ZFP91: variants seen among roughly 807,000 people sequenced by gnomAD.
ZFP91 encodes E3 ubiquitin-protein ligase ZFP91.
Under a neutral mutation model 63.5 loss-of-function variants are expected in ZFP91, and 7 were observed. The observed-to-expected ratio is 0.11, with a 90% confidence interval of 0.06 to 0.21. The LOEUF is 0.21. Ranked by LOEUF, ZFP91 falls within the 10% of genes least tolerant of loss-of-function variation. The pLI is 1.00. For missense variants in ZFP91, 628 were observed against 736.6 expected, an observed-to-expected ratio of 0.85 and a Z score of 1.71; for synonymous variants, 330 against 272.1, an observed-to-expected ratio of 1.21 and a Z score of -2.10.
intron 2 of ZFP91, among the ~76,000 whole-genome samples, chr11:58,585,447 C>T (rs1375124925): frequency 6.6e-6 from 1 of 152,096 alleles, no homozygotes; most frequent in Non-Finnish European, 1.5e-5. Context: ...ATTAAAATTG[C>T]CCTAACGTGT....
chr11:58,585,045 A>AGC (rs1855182230), intron 2 of ZFP91, among the ~76,000 whole-genome samples, 161 bp downstream of exon 2: 1 of 152,178 alleles, frequency 6.6e-6, no homozygotes, highest in Admixed American at 6.5e-5. Context: ...ACGTTTGGAT[A>AGC]ATAGAGTATA....
chr11:58,614,395 T>C, intron 9 of ZFP91, 52 bp downstream of exon 9: 1 of 1,302,710 alleles, frequency 7.7e-7, no homozygotes, highest in Non-Finnish European at 1.1e-6. Context: ...GCTTTAGTTT[T>C]GCATGTTGGT....
rs1855036933 is a variant in ZFP91, at chr11:58,579,286, C to T, written c.5C>T (p.Pro2Leu). Reference sequence around the variant, plus strand: ...GTGGGGGACGGACAAGCCCCGATGCCGGGGGAGACGGAAGAGCCGAGACCC... The same window carrying T: ...GTGGGGGACGGACAAGCCCCGATGCTGGGGGAGACGGAAGAGCCGAGACCC... M[P>L]GETEEPRPPE... Residue 2 changes from proline to leucine, a missense_variant, in exon 1 of 11, where the codon CCG (proline) becomes CTG (leucine). Pro to Leu is a moderately conservative substitution (Grantham distance 98). This residue lies in a region of ZFP91 where 437 missense variants were observed against 380.3 expected (regional missense o/e 1.15). Transcript: ENST00000316059. 1 of 1,449,738 alleles carries T rather than the reference C, an allele frequency of 6.9e-7. No homozygotes were observed. The highest frequency in any genetic ancestry group is 9.0e-7 in the Non-Finnish European group (1 of 1,109,086). 89.8% of individuals were successfully genotyped at this position (1,449,738 alleles called of 1,614,324 possible).
At position 58,579,494 on chromosome 11, in the gene ZFP91, G is replaced by T; in HGVS notation, c.213G>T (p.Arg71=). 2.0e-6 allele frequency: 3 copies of T among 1,524,878 alleles called. No homozygotes were observed. The highest frequency in any genetic ancestry group is 4.2e-4 in the Middle Eastern group (2 of 4,818). 94.5% of individuals were successfully genotyped at this position (1,524,878 alleles called of 1,614,324 possible). The change falls in exon 1 of 11, where the codon CGG becomes CGT. Residue 71 remains arginine (R), a synonymous_variant. Transcript: ENST00000316059. ...CCGCCGCCGCAGCTGTGTCCCGCCG[G>T]AGGAAGGCCGAGTATCCCCGCCGGC... ...AAAAAAAVSR[R]RKAEYPRRRR... is the part of the protein sequence containing the mutation.
intron 2 of ZFP91, among the ~76,000 whole-genome samples, chr11:58,590,972 T>C (rs566484295): frequency 6.6e-6 from 1 of 152,192 alleles, no homozygotes; most frequent in South Asian, 2.1e-4. Context: ...GTACCATACG[T>C]ATACAGAAAT....
chr11:58,602,436 T>C (rs908691777), intron 2 of ZFP91, among the ~76,000 whole-genome samples: 2 of 151,602 alleles, frequency 1.3e-5, no homozygotes, highest in African/African-American at 2.4e-5. Flanking sequence ...TATGTTGATA[T>C]ATCTCGAGAG....
chr11:58,608,859 A>T (rs577055793), intron 2 of ZFP91, among the ~76,000 whole-genome samples: 1 of 152,128 alleles, frequency 6.6e-6, no homozygotes, highest in African/African-American at 2.4e-5. Context: ...CGCCTTGGCC[A>T]CTCAAAGTGC....
chr11:58,589,435 A>AAAC (rs902719162), intron 2 of ZFP91, among the ~76,000 whole-genome samples: 3 of 152,170 alleles, frequency 2.0e-5, no homozygotes, highest in South Asian at 2.1e-4. Context: ...TGTAAGTTAA[A>AAAC]AACAACAACA....
At position 58,584,864 on chromosome 11, in the gene ZFP91, A is replaced by G; in HGVS notation, c.350A>G (p.Glu117Gly). ...GKKSPRLLCI[E>G]KVTTDKDPKE... is the part of the protein sequence containing the mutation. Reference sequence around the variant, plus strand: ...ATTCTTATTTCTTTCAGATGCATAGAAAAAGTAACAACTGATAAAGGTAAG... The same window carrying G: ...ATTCTTATTTCTTTCAGATGCATAGGAAAAGTAACAACTGATAAAGGTAAG... Residue 117 changes from glutamate (E) to glycine (G), a missense_variant, in exon 2 of 11, where the codon GAA becomes GGA. Glu to Gly is a moderately conservative substitution (Grantham distance 98). This residue lies in a region of ZFP91 where 437 missense variants were observed against 380.3 expected (regional missense o/e 1.15). Coordinates refer to ENST00000316059, the MANE Select transcript of ZFP91 (RefSeq NM_053023.5). 6.5e-7 allele frequency: 1 copy of G among 1,529,916 alleles called. No individual in the cohort carries two copies. The highest frequency in any genetic ancestry group is 8.7e-7 in the Non-Finnish European group (1 of 1,148,028). The allele number at this position is 1,529,916 out of a possible 1,614,324, so 94.8% of individuals were successfully genotyped here.
intron 2 of ZFP91, among the ~76,000 whole-genome samples, chr11:58,598,749 CGTGTGTGTGTGTGTGTGTGTGTGT>C (rs56110499): frequency 8.3e-6 from 1 of 120,812 alleles, no homozygotes. Flanking sequence ...CTTTTGTGCA[CGTGTGTGTGTGTGTGTGTGTGTGT>C]GTGTGTGTGT....
chr11:58,608,514 A>T (rs1855604933), intron 2 of ZFP91, among the ~76,000 whole-genome samples: 1 of 152,182 alleles, frequency 6.6e-6, no homozygotes, highest in Non-Finnish European at 1.5e-5. Context: ...AAATATGATC[A>T]TCCCCAATAT....
intron 1 of ZFP91, among the ~76,000 whole-genome samples, chr11:58,582,066 G>T (rs1855126707): frequency 6.6e-6 from 1 of 152,166 alleles, no homozygotes; most frequent in African/African-American, 2.4e-5. Flanking sequence ...TCAGAGGAAT[G>T]CTAAAGCATT....
At chr11:58,589,993 G>C (rs1025490292) in intron 2 of ZFP91, among the ~76,000 whole-genome samples, 1 of 152,154 alleles carries the variant, frequency 6.6e-6, no homozygotes, top group Non-Finnish European at 1.5e-5. Context: ...CTTCGACACA[G>C]TTATAAGTTT....
Position 58,617,183 on chromosome 11 carries a change from C to G in ZFP91, c.1203-13C>G. 6.4e-7 allele frequency: 1 copy of G among 1,552,814 alleles called. No individual in the cohort carries two copies. Among genetic ancestry groups the G allele is most frequent in the East Asian group, 2.2e-5 (1 of 44,488 alleles). Reference sequence around the variant, plus strand: ...TCTGTTGGATCAGCCATTTCCTTTTCTCCTCTCCTTAGATGTGAGATCTGT... The same window carrying G: ...TCTGTTGGATCAGCCATTTCCTTTTGTCCTCTCCTTAGATGTGAGATCTGT... On this transcript the variant is annotated splice_polypyrimidine_tract_variant and intron_variant, in intron 10 of 10. Coordinates refer to ENST00000316059, the MANE Select transcript of ZFP91 (RefSeq NM_053023.5). This position sits in a 1 kb window ranked among gnomAD's most constrained non-coding sequence, Gnocchi z 4.2.
At chr11:58,591,057 GGGT>G (rs1855296593) in intron 2 of ZFP91, among the ~76,000 whole-genome samples, 1 of 152,076 alleles carries the variant, frequency 6.6e-6, no homozygotes, top group African/African-American at 2.4e-5. Context: ...GGTGGACCCA[GGGT>G]GAGCCCAATC....
chr11:58,604,521 A>G (rs780114038), intron 2 of ZFP91, among the ~76,000 whole-genome samples: 2 of 152,206 alleles, frequency 1.3e-5, no homozygotes, highest in Non-Finnish European at 2.9e-5. Context: ...TGTGATTGGT[A>G]GAGCAGCCCT....
intron 2 of ZFP91, among the ~76,000 whole-genome samples, chr11:58,594,367 G>T (rs1032882537): frequency 1.3e-5 from 2 of 152,144 alleles, no homozygotes; most frequent in Admixed American, 1.3e-4. Context: ...TAAATGTTGA[G>T]CTAATTCTTA....
In ZFP91 at chr11:58,618,413, A is replaced by G. The variant is rs1855788592; in HGVS notation, c.*707A>G. ...ACTTGCTTGGAAGCAGGCTCCCAAT[A>G]GGGAGGGGGCTGCCCTCTACAGTCT... On this transcript the variant is annotated 3_prime_UTR_variant, in exon 11 of 11. Transcript: ENST00000316059. The G allele has an allele frequency of 3.6e-6, 1 of 276,926 alleles. No homozygotes were observed. Among genetic ancestry groups the G allele is most frequent in the African/African-American group, 2.3e-5 (1 of 43,862 alleles). The allele number at this position is 276,926 out of a possible 1,614,324, so 17.2% of individuals were successfully genotyped here.
At chr11:58,589,131 G>T (rs902668179) in intron 2 of ZFP91, among the ~76,000 whole-genome samples, 2 of 152,128 alleles carry the variant, frequency 1.3e-5, no homozygotes, top group African/African-American at 4.8e-5. Flanking sequence ...GAGTGCAGTG[G>T]TGTGATCATG....
Sources: allele counts gnomAD v4.1 joint callset (sites outside exome capture counted in the v4.1 genomes callset), GRCh38; gene constraint gnomAD v4.1.1; regional missense constraint gnomAD v4.1.1; non-coding constraint Gnocchi (gnomAD v3.1); transcripts MANE v1.5; gene names NCBI Gene and HGNC (gene_info 2026-07-23, HGNC 2026-07-21).